TMEM132D: variants seen among roughly 807,000 people sequenced by gnomAD.
The protein encoded by TMEM132D is transmembrane protein 132D.
Under a neutral mutation model 62.3 loss-of-function variants are expected in TMEM132D, and 21 were observed. The ratio of observed to expected loss-of-function variants is 0.34; its 90% confidence interval spans 0.24 to 0.49. The LOEUF (loss-of-function observed/expected upper bound fraction) is 0.49. Among genes scored for constraint, TMEM132D ranks in the 20% least tolerant of loss-of-function variants. The pLI, the probability that TMEM132D is intolerant of heterozygous loss-of-function variation, is 0.99. For synonymous variants in TMEM132D, 621 were observed against 575.6 expected (o/e 1.08, Z -1.13); for missense variants, 1,346 against 1,402.8 (o/e 0.96, Z 0.65).
intron 4 of TMEM132D, among the ~76,000 whole-genome samples, chr12:129,288,912 A>C (rs1466017828): frequency 6.6e-6 from 1 of 152,222 alleles, no homozygotes; most frequent in Admixed American, 6.5e-5. Context: ...AAAGAATAAA[A>C]TTCTGCAACA....
rs570101347 is a variant in TMEM132D at position 129,901,336 on chromosome 12, A to G, written c.79+1925T>C. On this transcript the variant is annotated intron_variant, in intron 1 of 8. Coordinates refer to ENST00000422113, the MANE Select transcript of TMEM132D (RefSeq NM_133448.3). The stretch of plus-strand genomic sequence containing the variant: ...CCCTGTCCCTGAATGTATAAATCAC[A>G]TCTGCATCATGAAATTCCATTTTAT... Among the ~76,000 whole-genome samples the G allele has an allele frequency of 5.1e-4, 77 of 152,330 alleles. No individual in the cohort carries two copies. In the South Asian group the frequency reaches 9.5e-3, roughly 19 times the overall value.
intron 5 of TMEM132D, among the ~76,000 whole-genome samples, chr12:129,116,747 C>A (rs139433510): frequency 6.6e-6 from 1 of 151,940 alleles, no homozygotes; most frequent in African/African-American, 2.4e-5. Flanking sequence ...ACACAAAATG[C>A]TGCTGAGGAT....
chr12:129,819,067 A>G lies in TMEM132D; in HGVS notation c.79+84194T>C, dbSNP rs189601235. On this transcript the variant is annotated intron_variant, in intron 1 of 8. Transcript: ENST00000422113. ...AAAAGACAAGAAAAAAAAATGTCCC[A>G]TCTCTCTTTTCCTCCTCTGCTAAAT... Among the ~76,000 whole-genome samples the G allele has an allele frequency of 6.5e-3, 986 of 152,092 alleles. 16 individuals carry two copies. Among genetic ancestry groups the G allele is most frequent in the African/African-American group, 0.022 (931 of 41,496 alleles).
chr12:129,428,770 T>C (rs971424492), intron 3 of TMEM132D, among the ~76,000 whole-genome samples: 3 of 152,182 alleles, frequency 2.0e-5, no homozygotes, highest in Non-Finnish European at 4.4e-5. Context: ...CCTTACTCCC[T>C]AAGAAAGCAC....
chr12:129,158,781 T>C (rs761217408), intron 5 of TMEM132D, among the ~76,000 whole-genome samples: 3 of 152,224 alleles, frequency 2.0e-5, no homozygotes, highest in South Asian at 2.1e-4. Context: ...GCTATAAATA[T>C]ACTGCCTGAC....
chr12:129,106,729 C>G (rs991722877), intron 5 of TMEM132D, among the ~76,000 whole-genome samples: 1 of 152,110 alleles, frequency 6.6e-6, no homozygotes, highest in Non-Finnish European at 1.5e-5. Flanking sequence ...CGTGCTCTGG[C>G]CAATGACGTG....
At chr12:129,087,433 C>T (rs572713790) in intron 5 of TMEM132D, among the ~76,000 whole-genome samples, 50 of 150,360 alleles carry the variant, frequency 3.3e-4, no homozygotes, top group Non-Finnish European at 5.6e-4. Context: ...AATTAAGGGT[C>T]TTGAGATAGA....
At chr12:129,723,736 A>G (rs568319864) in intron 1 of TMEM132D, among the ~76,000 whole-genome samples, 1 of 152,228 alleles carries the variant, frequency 6.6e-6, no homozygotes, top group East Asian at 1.9e-4. Flanking sequence ...TCCTGTCAAC[A>G]TCTCGTCTCT....
At chr12:129,729,138 A>C (rs1296510543) in intron 1 of TMEM132D, among the ~76,000 whole-genome samples, 1 of 152,192 alleles carries the variant, frequency 6.6e-6, no homozygotes, top group African/African-American at 2.4e-5. Flanking sequence ...GCATGAACTC[A>C]CTAATTTGCC....
chr12:129,453,262 T>A (rs2135727920), intron 3 of TMEM132D, among the ~76,000 whole-genome samples: 1 of 152,298 alleles, frequency 6.6e-6, no homozygotes, highest in Middle Eastern at 3.4e-3. Context: ...TTTTAGATGA[T>A]CTAAGAAGGC....
At chr12:129,177,739 T>C (rs577364531) in intron 5 of TMEM132D, among the ~76,000 whole-genome samples, 77 of 152,246 alleles carry the variant, frequency 5.1e-4, no homozygotes, top group African/African-American at 1.8e-3. Context: ...GCCTGGGCAA[T>C]AGAATAAGTA....
chr12:129,148,074 A>G (rs1876964719), intron 5 of TMEM132D, among the ~76,000 whole-genome samples: 5 of 152,116 alleles, frequency 3.3e-5, no homozygotes, highest in Admixed American at 3.3e-4. Context: ...GGCTACCATA[A>G]TAGTAATGGG....
rs74446564 is a variant in TMEM132D at position 129,849,022 on chromosome 12, C to A, written c.79+54239G>T. The stretch of plus-strand genomic sequence containing the variant: ...ATTATCATTTTAAGGCTGGAATATT[C>A]ATTCACTCCCAAGACTGGAGTAGGG... On this transcript the variant is annotated intron_variant, in intron 1 of 8. Coordinates refer to ENST00000422113, the MANE Select transcript of TMEM132D (RefSeq NM_133448.3). Among the ~76,000 whole-genome samples the A allele has an allele frequency of 6.9e-3, 1,035 of 150,976 alleles. 7 individuals carry two copies. The highest frequency in any genetic ancestry group is 0.01 in the Middle Eastern group (3 of 294).
At chr12:129,374,032 A>G (rs754153481) in intron 3 of TMEM132D, among the ~76,000 whole-genome samples, 4 of 152,206 alleles carry the variant, frequency 2.6e-5, no homozygotes, top group Admixed American at 2.0e-4. Context: ...AGAAATAAAG[A>G]ATAAAAAGGA....
At chr12:129,199,393 C>T (rs4964840) in intron 5 of TMEM132D, among the ~76,000 whole-genome samples, 88,678 of 151,894 alleles carry the variant, frequency 0.58, 26,543 homozygotes, top group Non-Finnish European at 0.65. Flanking sequence ...TGAACCACCA[C>T]GCTCAGCTAA....
chr12:129,387,243 T>C (rs1171529366), intron 3 of TMEM132D, among the ~76,000 whole-genome samples: 1 of 112,986 alleles, frequency 8.9e-6, no homozygotes, highest in Non-Finnish European at 1.8e-5. Context: ...CTAACACTAA[T>C]GCTAACACTA....
At chr12:129,647,145 C>T (rs1487183517) in intron 2 of TMEM132D, among the ~76,000 whole-genome samples, 1 of 149,672 alleles carries the variant, frequency 6.7e-6, no homozygotes, top group Non-Finnish European at 1.5e-5. Flanking sequence ...TATATATACT[C>T]ACAAACAAAA....
rs369641297 is a variant in TMEM132D, at chr12:129,326,176, CAG to C, written c.1299+11456_1299+11457del. Among the ~76,000 whole-genome samples, 42 of 152,324 alleles carry C rather than the reference CAG, an allele frequency of 2.8e-4. No individual in the cohort carries two copies. The South Asian group carries it at 8.1e-3, about 29-fold the overall frequency. ...CACTCTCCATGGGGTGACATATAGTCAGAATTCATCTCTGTTCTCCGTGGAAA... is the reference window on the plus strand; with the variant it reads ...CACTCTCCATGGGGTGACATATAGTCAATTCATCTCTGTTCTCCGTGGAAA... On this transcript the variant is annotated intron_variant, in intron 4 of 8. Transcript: ENST00000422113.
At chr12:129,878,528 G>C (rs1423576570) in intron 1 of TMEM132D, among the ~76,000 whole-genome samples, 1 of 151,624 alleles carries the variant, frequency 6.6e-6, no homozygotes, top group Non-Finnish European at 1.5e-5. Flanking sequence ...GCCCAGGGCT[G>C]TCCCCCTTGC....
Sources: gnomAD v4.1 joint callset for allele counts (sites outside exome capture counted in the v4.1 genomes callset) on GRCh38, gnomAD v4.1.1 for gene constraint, MANE v1.5 for transcripts, NCBI Gene and HGNC (gene_info 2026-07-23, HGNC 2026-07-21) for gene names.